Variants in H2BC18 observed in about 807,000 individuals in gnomAD.
The protein encoded by H2BC18 is H2B clustered histone 18.
Under a neutral mutation model 6.3 loss-of-function variants are expected in H2BC18, and 8 were observed. The ratio of observed to expected loss-of-function variants is 1.28; its 90% CI spans 0.75 to 2.31. The LOEUF (loss-of-function observed/expected upper bound fraction) is 2.31, where lower values mean the gene tolerates loss of function less well. H2BC18 is among the 30% of genes most tolerant of loss of function. H2BC18 has a pLI of 0.00. For missense variants in H2BC18, 106 were observed against 174.5 expected (o/e 0.61, Z 2.21); for synonymous variants, 104 against 78.1 (o/e 1.33, Z -1.75).
At chr1:149,789,131 C>T (rs1391369096) in intron 1 of H2BC18, among the ~76,000 whole-genome samples, 1 of 151,276 alleles carries the variant, frequency 6.6e-6, no homozygotes, top group Non-Finnish European at 1.5e-5. Context: ...ACGGCCTTTC[C>T]TCTTAATACA....
rs1337202601 is a variant in H2BC18 at position 149,800,435 on chromosome 1, A to G, written c.377+11512T>C. On this transcript the variant is annotated intron_variant, in intron 1 of 1. Transcript: ENST00000545683. The stretch of plus-strand genomic sequence containing the variant: ...GTGGGCTGAAAGTCCCAACTCTCTA[A>G]TCCTCCCCTTGTTCTTTCTGGTCAC... Among the ~76,000 whole-genome samples the G allele has an allele frequency of 7.1e-4, 103 of 145,958 alleles. 3 individuals are homozygous for G. In the South Asian group the frequency reaches 0.015, roughly 21 times the overall value.
intron 1 of H2BC18, chr1:149,793,034 G>C (rs1421979201): frequency 1.5e-5 from 19 of 1,263,558 alleles, no homozygotes; most frequent in Admixed American, 7.7e-5. Flanking sequence ...GGGCCCGCCA[G>C]CTCCCGGGCC....
At chr1:149,807,821 A>AAGAGAGAGAGAGAGAG (rs587706663), downstream of H2BC18, among the ~76,000 whole-genome samples, 28 of 133,172 alleles carry the variant, frequency 2.1e-4, no homozygotes, top group African/African-American at 6.4e-4. Flanking sequence ...AGAAGAAAGA[A>AAGAGAGAGAGAGAGAG]AGAGAGAGAG....
intron 1 of H2BC18, chr1:149,786,427 C>G (rs1391043192): frequency 6.6e-6 from 1 of 152,130 alleles, no homozygotes; most frequent in East Asian, 1.9e-4. Context: ...ATGAACAAGA[C>G]TTGTTAATTT....
intron 1 of H2BC18, among the ~76,000 whole-genome samples, chr1:149,797,670 T>A (rs1302335083): frequency 6.6e-6 from 1 of 152,200 alleles, no homozygotes; most frequent in Admixed American, 6.5e-5. Context: ...TGATCTCAAC[T>A]CACTGTAACC....
intron 1 of H2BC18, among the ~76,000 whole-genome samples, chr1:149,804,213 T>C (rs1393679716): frequency 6.6e-6 from 1 of 152,022 alleles, no homozygotes; most frequent in African/African-American, 2.4e-5. Context: ...AAAGAAGTGT[T>C]TAATGAAATG....
intron 1 of H2BC18, chr1:149,790,357 A>G (rs2091673888): frequency 6.3e-7 from 1 of 1,579,778 alleles, no homozygotes; most frequent in Non-Finnish European, 8.6e-7. Context: ...GAATGACGGG[A>G]AGCCACTGGC....
At chr1:149,796,318 T>G (rs1193090784) in intron 1 of H2BC18, among the ~76,000 whole-genome samples, 3 of 152,198 alleles carry the variant, frequency 2.0e-5, no homozygotes, top group South Asian at 2.1e-4. Flanking sequence ...AGAAAATCTC[T>G]AAGGAAGACT....
chr1:149,784,423 G>T (rs1232262756), intron 1 of H2BC18, among the ~76,000 whole-genome samples: 1 of 151,858 alleles, frequency 6.6e-6, no homozygotes, highest in African/African-American at 2.4e-5. Context: ...ATCACAGCAG[G>T]GTCCTTAAAC....
At chr1:149,791,170 A>G (rs1571398571) in intron 1 of H2BC18, 2 of 1,604,900 alleles carry the variant, frequency 1.2e-6, no homozygotes, top group East Asian at 4.5e-5. Flanking sequence ...TCCCTTCCAA[A>G]CATAACTCAG....
Position 149,785,407 on chromosome 1 carries a change from CG to C in H2BC18, c.378-2148del, listed in dbSNP as rs1490183249. ...GTTAGGGAAGCTGACAGAGCTGTTT[CG>C]TTTTTTTTTTTTTTTTTTTTTTTTT... On this transcript the variant is annotated intron_variant, in intron 1 of 1. Coordinates refer to the H2BC18 transcript ENST00000545683. 2.6e-3 allele frequency among the ~76,000 whole-genome samples: 191 copies of C among 74,536 alleles called. 19 individuals carry two copies. Among genetic ancestry groups the C allele is most frequent in the African/African-American group, 8.2e-3 (179 of 21,906 alleles). The allele number at this position is 74,536 out of a possible 152,430, so 48.9% of individuals were successfully genotyped here. A position where few individuals can be genotyped will look rare whatever the true frequency, so the allele number is the denominator to read the frequency against.
downstream of H2BC18, among the ~76,000 whole-genome samples, chr1:149,809,049 C>A (rs1176257863): frequency 5.7e-5 from 8 of 139,452 alleles, no homozygotes; most frequent in Admixed American, 3.7e-4. Flanking sequence ...TACACATACT[C>A]CAACTCATTC....
intron 1 of H2BC18, chr1:149,790,080 G>A (rs1366071562): frequency 2.5e-6 from 4 of 1,613,850 alleles, no homozygotes; most frequent in Admixed American, 3.3e-5. Flanking sequence ...AGTGCTGAAT[G>A]CATCTGTGAC....
intron 1 of H2BC18, chr1:149,793,002 T>G (rs1210424030): frequency 5.5e-6 from 7 of 1,273,168 alleles, no homozygotes; most frequent in Non-Finnish European, 7.1e-6. Context: ...GGCGCGTAGC[T>G]GAGTCCCTCC....
At position 149,785,415 on chromosome 1, in the gene H2BC18, T is replaced by G. The variant is rs1345384970; in HGVS notation, c.378-2155A>C. 1.2e-4 allele frequency among the ~76,000 whole-genome samples: 16 copies of G among 132,226 alleles called. 1 individual carries two copies. The highest frequency in any genetic ancestry group is 4.2e-4 in the African/African-American group (15 of 35,932). The allele number at this position is 132,226 out of a possible 152,430, so 86.7% of individuals were successfully genotyped here. A position where few individuals can be genotyped will look rare whatever the true frequency, so the allele number is the denominator to read the frequency against. On this transcript the variant is annotated intron_variant, in intron 1 of 1. Transcript: ENST00000545683. The stretch of plus-strand genomic sequence containing the variant: ...AGCTGACAGAGCTGTTTCGTTTTTT[T>G]TTTTTTTTTTTTTTTTTTTGAGACA...
chr1:149,801,659 T>C (rs1165505239), intron 1 of H2BC18, among the ~76,000 whole-genome samples: 1 of 149,400 alleles, frequency 6.7e-6, no homozygotes, highest in African/African-American at 2.5e-5. Context: ...CGATGGCATA[T>C]CCGGGTGATT....
At chr1:149,798,770 C>T (rs1227709636) in intron 1 of H2BC18, among the ~76,000 whole-genome samples, 1 of 152,112 alleles carries the variant, frequency 6.6e-6, no homozygotes, top group African/African-American at 2.4e-5. Context: ...TGTAACCATG[C>T]CTGGCTAATA....
chr1:149,795,926 C>T (rs2091795346), intron 1 of H2BC18, among the ~76,000 whole-genome samples: 1 of 151,018 alleles, frequency 6.6e-6, no homozygotes, highest in Non-Finnish European at 1.5e-5. Context: ...AACTGAAAGA[C>T]CCTAAGACAC....
intron 1 of H2BC18, among the ~76,000 whole-genome samples, chr1:149,800,319 A>T (rs2091853111): frequency 6.6e-6 from 1 of 152,126 alleles, no homozygotes. Context: ...CTTTGTATGG[A>T]GGCTCCATTG....
Sources: allele counts gnomAD v4.1 joint callset (sites outside exome capture counted in the v4.1 genomes callset), GRCh38; gene constraint gnomAD v4.1.1; transcripts MANE v1.5; gene names NCBI Gene and HGNC (gene_info 2026-07-23, HGNC 2026-07-21).